The following MAGI2 variants were observed in gnomAD, a reference collection of about 807,000 sequenced individuals.
The protein encoded by MAGI2 is membrane associated guanylate kinase, WW and PDZ domain containing 2.
Under a neutral mutation model 133.3 loss-of-function variants are expected in MAGI2, and 35 were observed. The ratio of observed to expected loss-of-function variants is 0.26; its 90% confidence interval spans 0.20 to 0.35. The LOEUF (loss-of-function observed/expected upper bound fraction) is 0.35, where lower values mean the gene tolerates loss of function less well. Ranked by LOEUF, MAGI2 falls within the 10% of genes least tolerant of loss-of-function variation. MAGI2 has a pLI of 1.00. For missense variants in MAGI2, 1,636 were observed against 1,863.4 expected, an observed-to-expected ratio of 0.88 and a Z score of 2.25; for synonymous variants, 729 against 710.6, an observed-to-expected ratio of 1.03 and a Z score of -0.41.
At chr7:78,384,481 T>C (rs985717206) in intron 6 of MAGI2, among the ~76,000 whole-genome samples, 4 of 152,200 alleles carry the variant, frequency 2.6e-5, no homozygotes, top group Non-Finnish European at 5.9e-5. Context: ...ATAAACAGCT[T>C]GGAATCATAG....
intron 1 of MAGI2, among the ~76,000 whole-genome samples, chr7:79,426,824 T>A (rs1230139078): frequency 2.0e-5 from 3 of 152,136 alleles, no homozygotes; most frequent in African/African-American, 7.2e-5. Context: ...ATGTAGTAAA[T>A]CTATTCTGTA....
At chr7:78,981,421 T>C (rs1584569837) in intron 2 of MAGI2, among the ~76,000 whole-genome samples, 1 of 151,934 alleles carries the variant, frequency 6.6e-6, no homozygotes, top group East Asian at 1.9e-4. Context: ...AGCCATTCAC[T>C]GAAATTTTCA....
At chr7:78,446,062 G>A (rs971816228) in intron 6 of MAGI2, among the ~76,000 whole-genome samples, 7 of 148,396 alleles carry the variant, frequency 4.7e-5, no homozygotes, top group South Asian at 2.2e-4. Context: ...TTGTAATTTC[G>A]TCTTTAAAAT....
Position 79,107,794 on chromosome 7 carries a change from C to T in MAGI2, c.302-100588G>A, listed in dbSNP as rs115858109. Among the ~76,000 whole-genome samples the T allele has an allele frequency of 9.4e-3, 1,431 of 152,248 alleles. 24 individuals are homozygous for T. Among genetic ancestry groups the T allele is most frequent in the African/African-American group, 0.032 (1,328 of 41,538 alleles). On this transcript the variant is annotated intron_variant, in intron 1 of 21. Coordinates refer to ENST00000354212, the MANE Select transcript of MAGI2 (RefSeq NM_012301.4). ...TCATTGGTCATCTAGTCTTTGATTG[C>T]TCTTTAACTGGGCACCCTCTTAACA...
chr7:79,264,800 G>A (rs1417334850), intron 1 of MAGI2, among the ~76,000 whole-genome samples: 1 of 151,910 alleles, frequency 6.6e-6, no homozygotes, highest in African/African-American at 2.4e-5. Flanking sequence ...CATGGTGGAA[G>A]ATGAAGGGGA....
Position 78,781,483 on chromosome 7 carries a change from T to G in MAGI2, c.419-154244A>C, listed in dbSNP as rs576146596. On this transcript the variant is annotated intron_variant, in intron 2 of 21. Coordinates refer to ENST00000354212, the MANE Select transcript of MAGI2 (RefSeq NM_012301.4). ...GCTTGAATTATTGCCCACATAAATG[T>G]GCAGAAATTTCTCCCCATCTACTAA... Among the ~76,000 whole-genome samples the G allele has an allele frequency of 7.9e-5, 12 of 151,816 alleles. No individual in the cohort carries two copies. The East Asian group carries it at 1.5e-3, about 20-fold the overall frequency.
intron 3 of MAGI2, among the ~76,000 whole-genome samples, chr7:78,532,493 C>T (rs890633537): frequency 2.0e-5 from 3 of 152,082 alleles, no homozygotes; most frequent in Non-Finnish European, 2.9e-5. Context: ...TTAGAGAGTC[C>T]CTAAGTATAT....
At chr7:78,430,174 T>G (rs1226578018) in intron 6 of MAGI2, among the ~76,000 whole-genome samples, 2 of 151,580 alleles carry the variant, frequency 1.3e-5, no homozygotes, top group Non-Finnish European at 2.9e-5. Flanking sequence ...GATTCTGGTC[T>G]TTAAGCTACA....
intron 2 of MAGI2, among the ~76,000 whole-genome samples, chr7:78,746,314 G>A (rs553357037): frequency 4.6e-5 from 7 of 152,146 alleles, no homozygotes; most frequent in Admixed American, 6.5e-5. Flanking sequence ...TAATACTAAC[G>A]AAGTCAAATA....
intron 1 of MAGI2, among the ~76,000 whole-genome samples, chr7:79,028,273 G>GTA (rs1562805388): frequency 1.5e-4 from 3 of 20,668 alleles, no homozygotes; most frequent in African/African-American, 2.5e-4. Context: ...ATATATGTAT[G>GTA]TATGTATATA....
chr7:79,214,399 CTCTCTCTCTATATA>C (rs1164473060), intron 1 of MAGI2, among the ~76,000 whole-genome samples: 23 of 72,128 alleles, frequency 3.2e-4, no homozygotes, highest in African/African-American at 7.3e-4. Flanking sequence ...CTCTCTCTCT[CTCTCTCTCTATATA>C]TATATATATA....
intron 21 of MAGI2, among the ~76,000 whole-genome samples, chr7:78,076,662 A>C (rs1179746751): frequency 6.7e-6 from 1 of 149,566 alleles, no homozygotes; most frequent in Non-Finnish European, 1.5e-5. Context: ...CTGGCTAACA[A>C]GGTGAAACCC....
intron 6 of MAGI2, among the ~76,000 whole-genome samples, chr7:78,462,649 C>T (rs999675150): frequency 6.6e-6 from 1 of 152,058 alleles, no homozygotes; most frequent in Admixed American, 6.6e-5. Context: ...AAACCTTTTT[C>T]GCAAAATGTA....
intron 1 of MAGI2, among the ~76,000 whole-genome samples, chr7:79,043,346 C>T (rs2116924036): frequency 6.6e-6 from 1 of 151,694 alleles, no homozygotes; most frequent in African/African-American, 2.4e-5. Flanking sequence ...GGTTTGAGAA[C>T]AGCCTGACCA....
chr7:79,310,927 C>T (rs1838229703), intron 1 of MAGI2, among the ~76,000 whole-genome samples: 1 of 133,052 alleles, frequency 7.5e-6, no homozygotes, highest in South Asian at 2.5e-4. Flanking sequence ...ATATTTCTCT[C>T]ACTTTAAAAC....
At chr7:78,942,402 G>C (rs1801057038) in intron 2 of MAGI2, among the ~76,000 whole-genome samples, 1 of 152,122 alleles carries the variant, frequency 6.6e-6, no homozygotes, top group African/African-American at 2.4e-5. Context: ...ACTCAAATAA[G>C]TTTATTTTTG....
At chr7:79,355,088 A>C (rs535947361) in intron 1 of MAGI2, among the ~76,000 whole-genome samples, 1 of 152,298 alleles carries the variant, frequency 6.6e-6, no homozygotes, top group Admixed American at 6.5e-5. Context: ...GCATGGGAGA[A>C]AAGTGCCTTC....
chr7:79,169,294 A>G (rs770213558), intron 1 of MAGI2, among the ~76,000 whole-genome samples: 2 of 152,110 alleles, frequency 1.3e-5, no homozygotes, highest in African/African-American at 2.4e-5. Context: ...GCATTTTAAT[A>G]GAATTAGAAA....
At chr7:78,550,558 T>C (rs1161990110) in intron 3 of MAGI2, among the ~76,000 whole-genome samples, 1 of 152,228 alleles carries the variant, frequency 6.6e-6, no homozygotes, top group Non-Finnish European at 1.5e-5. Flanking sequence ...AGACTGTTAA[T>C]ACCTGGACCT....
Sources: allele counts gnomAD v4.1 joint callset (sites outside exome capture counted in the v4.1 genomes callset), GRCh38; gene constraint gnomAD v4.1.1; transcripts MANE v1.5; gene names NCBI Gene and HGNC (gene_info 2026-07-23, HGNC 2026-07-21).